GSPT1: variants seen among roughly 807,000 people sequenced by gnomAD.
The protein encoded by GSPT1 is eukaryotic peptide chain release factor GTP-binding subunit ERF3A.
GSPT1 carries 20 observed loss-of-function variants against 72.5 expected under a neutral mutation model. That is an observed-to-expected ratio of 0.28 (90% CI 0.19 to 0.40). The LOEUF (loss-of-function observed/expected upper bound fraction) is 0.40, where lower values mean the gene tolerates loss of function less well. GSPT1 is among the 10% of genes least tolerant of loss of function. GSPT1 has a pLI of 1.00. For missense variants in GSPT1, 580 were observed against 811.9 expected (o/e 0.71, Z 3.47); for synonymous variants, 334 against 293.5 (o/e 1.14, Z -1.41).
chr16:11,882,520 TC>T (rs1196794180), intron 11 of GSPT1: 3 of 152,738 alleles, frequency 2.0e-5, no homozygotes, highest in Admixed American at 2.0e-4. Context: ...GTAAATAAAT[TC>T]TCACTGAAAT....
At position 11,868,708 on chromosome 16, in the gene GSPT1, G is replaced by T. The variant is rs903154065; in HGVS notation, c.*4411C>A. ...AAGCACTAAGCTAATGTGCCTGGTA[G>T]AGGGGAGCCTCAGGAAGCACAAGAT... On this transcript the variant is annotated 3_prime_UTR_variant, in exon 15 of 15. Coordinates refer to ENST00000434724, the MANE Select transcript of GSPT1 (RefSeq NM_002094.4). The T allele has an allele frequency of 1.3e-5, 2 of 152,246 alleles. No homozygotes were observed. The highest frequency in any genetic ancestry group is 2.9e-5 in the Non-Finnish European group (2 of 68,064). The allele number at this position is 152,246 out of a possible 1,614,324, so 9.4% of individuals were successfully genotyped here. A position where few individuals can be genotyped will look rare whatever the true frequency, so the allele number is the denominator to read the frequency against.
At chr16:11,911,592 G>A (rs1449544463) in intron 1 of GSPT1, among the ~76,000 whole-genome samples, 2 of 136,206 alleles carry the variant, frequency 1.5e-5, no homozygotes, top group East Asian at 2.1e-4. Context: ...TGTCAATGTC[G>A]CCCAGGCTAG....
chr16:11,887,009 G>C (rs878994428), intron 7 of GSPT1, 78 bp from the exon 8 acceptor site: 1 of 731,972 alleles, frequency 1.4e-6, no homozygotes, highest in African/African-American at 2.0e-5. Context: ...TTTCCTTTCA[G>C]TTATATCACG....
rs1227072043 is a variant in GSPT1 at position 11,877,526 on chromosome 16, C to A, written c.1483G>T (p.Ala495Ser). 6.2e-6 allele frequency: 10 copies of A among 1,611,372 alleles called. No homozygotes were observed. Among genetic ancestry groups the A allele is most frequent in the South Asian group, 4.4e-5 (4 of 90,892 alleles). ...CTGATTTTGAGGTTTTCACCTGGGG[C>A]TACGGTATCAGTCTCTACATCATCG... Reference protein sequence around the residue: ...LSDDVETDTVAPGENLKIRLK... With the variant: ...LSDDVETDTVSPGENLKIRLK... Residue 495 changes from alanine to serine, a missense_variant, in exon 12 of 15, where the codon GCC becomes TCC. By Grantham distance (99) the Ala-to-Ser change is moderately conservative. Around this residue, in one of 6 missense-constraint regions of GSPT1, gnomAD observed 120 missense variants for 242.5 expected, o/e 0.49. Transcript: ENST00000434724. This position sits in a 1 kb window ranked among gnomAD's most constrained non-coding sequence, Gnocchi z 4.0.
chr16:11,875,346 G>A (rs10438540), intron 14 of GSPT1, among the ~76,000 whole-genome samples: 2,084 of 152,112 alleles, frequency 0.014, 44 homozygotes, highest in African/African-American at 0.048. Flanking sequence ...GTTGTTCTGC[G>A]TCACCCAGAG....
At chr16:11,903,339 C>T (rs1254682399) in intron 1 of GSPT1, among the ~76,000 whole-genome samples, 1 of 151,972 alleles carries the variant, frequency 6.6e-6, no homozygotes, top group South Asian at 2.1e-4. Flanking sequence ...GGTGAAACCC[C>T]GTCTCTACTA....
At chr16:11,913,735 T>C (rs911448480) in intron 1 of GSPT1, among the ~76,000 whole-genome samples, 12 of 152,136 alleles carry the variant, frequency 7.9e-5, no homozygotes, top group African/African-American at 2.2e-4. Flanking sequence ...AGCTGAGAAG[T>C]GAACTAGGTT....
At chr16:11,899,116 C>A (rs1428364153) in intron 1 of GSPT1, among the ~76,000 whole-genome samples, 1 of 152,094 alleles carries the variant, frequency 6.6e-6, no homozygotes, top group Admixed American at 6.6e-5. Context: ...AGAATCTCCA[C>A]GACAGAAAAC....
intron 10 of GSPT1, among the ~76,000 whole-genome samples, chr16:11,883,535 G>A (rs189137301): frequency 4.4e-3 from 662 of 149,856 alleles, no homozygotes; most frequent in Middle Eastern, 6.8e-3. Flanking sequence ...CAGAAGAATC[G>A]CTTGAACTCA....
chr16:11,874,536 C>T (rs2054016842), intron 14 of GSPT1, among the ~76,000 whole-genome samples: 1 of 138,104 alleles, frequency 7.2e-6, no homozygotes, highest in Non-Finnish European at 1.5e-5. Context: ...AGAATTCCTG[C>T]TACATTAATT....
At chr16:11,900,330 C>CAA (rs34268463) in intron 1 of GSPT1, among the ~76,000 whole-genome samples, 3,939 of 141,786 alleles carry the variant, frequency 0.028, 181 homozygotes, top group African/African-American at 0.095. Context: ...AACTCCGTCT[C>CAA]AAAAAAAAAA....
In GSPT1 at chr16:11,868,501, G is replaced by C. The variant is rs1337880283; in HGVS notation, c.*4618C>G. The C allele has an allele frequency of 1.3e-5, 2 of 152,100 alleles. No homozygotes were observed. The highest frequency in any genetic ancestry group is 2.9e-5 in the Non-Finnish European group (2 of 68,046). 9.4% of individuals were successfully genotyped at this position (152,100 alleles called of 1,614,324 possible). ...TACCTGTGTACATTTCTGAGAGCCT[G>C]ATGTGTGAGTCCTTAAAATGTAGAC... is the stretch of plus-strand genomic sequence containing the variant. On this transcript the variant is annotated 3_prime_UTR_variant, in exon 15 of 15. Coordinates refer to ENST00000434724, the MANE Select transcript of GSPT1 (RefSeq NM_002094.4).
At chr16:11,897,773 G>A in intron 3 of GSPT1, 67 bp downstream of exon 3, 1 of 782,624 alleles carries the variant, frequency 1.3e-6, no homozygotes, top group African/African-American at 1.7e-5. Context: ...CTTACATAAT[G>A]CACCTTAAAT....
chr16:11,885,394 AACCACTTT>A (rs1431624656), intron 9 of GSPT1, 120 bp from the exon 10 acceptor site: 5 of 628,260 alleles, frequency 8.0e-6, no homozygotes, highest in Non-Finnish European at 1.5e-5. Context: ...CTTCCCATTC[AACCACTTT>A]ATTATCCATT....
chr16:11,876,274 T>A, intron 12 of GSPT1, 99 bp from the exon 13 acceptor site: 1 of 785,874 alleles, frequency 1.3e-6, no homozygotes, highest in Non-Finnish European at 2.2e-6. Flanking sequence ...AGTGTTACCA[T>A]CTCACTAGGA....
At chr16:11,889,169 G>A (rs970481683) in intron 6 of GSPT1, among the ~76,000 whole-genome samples, 3 of 150,606 alleles carry the variant, frequency 2.0e-5, no homozygotes, top group Non-Finnish European at 3.0e-5. Flanking sequence ...TTAGCCAGGC[G>A]TGGTGGCGGG....
At position 11,897,832 on chromosome 16, in the gene GSPT1, TTTC is replaced by T. The variant is rs2054359097; in HGVS notation, c.436+5_436+7del. 1 of 1,461,696 alleles carries T rather than the reference TTTC, an allele frequency of 6.8e-7. No homozygotes were observed. Among genetic ancestry groups the T allele is most frequent in the Non-Finnish European group, 9.4e-7 (1 of 1,060,446 alleles). 90.5% of individuals were successfully genotyped at this position (1,461,696 alleles called of 1,614,324 possible). Reference sequence around the variant, plus strand: ...TTACTGTATTAATATGGTCAGAAATTTTCTTACCAATAGGTTCTGAAAGTTCCA... The same window carrying T: ...TTACTGTATTAATATGGTCAGAAATTTTACCAATAGGTTCTGAAAGTTCCA... On this transcript the variant is annotated splice_donor_5th_base_variant and intron_variant, in intron 3 of 14. Coordinates refer to ENST00000434724, the MANE Select transcript of GSPT1 (RefSeq NM_002094.4).
chr16:11,914,763 G>C (rs1352547533), intron 1 of GSPT1, among the ~76,000 whole-genome samples: 1 of 152,190 alleles, frequency 6.6e-6, no homozygotes, highest in Admixed American at 6.5e-5. Flanking sequence ...ACAATGCTAA[G>C]GGTAAAACAG....
chr16:11,881,517 T>G (rs1162968442), intron 11 of GSPT1: 1 of 152,132 alleles, frequency 6.6e-6, no homozygotes, highest in African/African-American at 2.4e-5. Context: ...GTATTCACCA[T>G]GTTGTACAAT....
Sources: gnomAD v4.1 joint callset for allele counts (sites outside exome capture counted in the v4.1 genomes callset) on GRCh38, gnomAD v4.1.1 for gene constraint, gnomAD v4.1.1 regional missense constraint, Gnocchi (gnomAD v3.1) non-coding constraint, MANE v1.5 for transcripts, NCBI Gene and HGNC (gene_info 2026-07-23, HGNC 2026-07-21) for gene names.